Variants in FANCD2OS observed in about 807,000 individuals in gnomAD.
FANCD2OS encodes FANCD2 opposite strand.
In FANCD2OS, 11 loss-of-function variants were observed where a neutral mutation model predicts 13.2. That is an observed-to-expected ratio of 0.83 (90% CI 0.52 to 1.38). The LOEUF (loss-of-function observed/expected upper bound fraction) is 1.38. FANCD2OS is among the 40% of genes most tolerant of loss of function. The probability of loss-of-function intolerance (pLI) is 0.00; values close to 1 mark genes in which losing one functional copy is unlikely to be tolerated. For synonymous variants in FANCD2OS, 69 were observed against 84.5 expected, an observed-to-expected ratio of 0.82 and a Z score of 1.01; for missense variants, 217 against 213.9, an observed-to-expected ratio of 1.01 and a Z score of -0.09.
chr3:10,092,375 T>G, intron 2 of FANCD2OS: 1 of 804,594 alleles, frequency 1.2e-6, no homozygotes. Flanking sequence ...TCTCCCTGAG[T>G]CGTCTTCTTC....
At chr3:10,101,703 G>T, downstream of FANCD2OS, 4 of 264,906 alleles carry the variant, frequency 1.5e-5, no homozygotes, top group Middle Eastern at 1.3e-3. Context: ...CTTAAAGTGG[G>T]GTCTTTATTA....
Position 10,090,443 on chromosome 3 carries a change from ATTTTTTTTTTTTT to A in FANCD2OS, c.*44-8925_*44-8913del, listed in dbSNP as rs773716319. 58 of 342,312 alleles carry A rather than the reference ATTTTTTTTTTTTT, an allele frequency of 1.7e-4. No homozygotes were observed. The Middle Eastern group carries it at 3.5e-3, about 20-fold the overall frequency. The allele number at this position is 342,312 out of a possible 1,614,324, so 21.2% of individuals were successfully genotyped here. ...ACTTTGGATTACTTGGAAGTTGCTG[ATTTTTTTTTTTTT>A]TTTTTTTTTTTTTTTCTGAGACAGA... is the stretch of plus-strand genomic sequence containing the variant. On this transcript the variant is annotated intron_variant, in intron 2 of 2. Transcript: ENST00000524279.
chr3:10,106,572 T>C (rs1695499476), intron 1 of FANCD2OS, among the ~76,000 whole-genome samples: 1 of 152,024 alleles, frequency 6.6e-6, no homozygotes. Context: ...ACTGTGAAAA[T>C]TTTGACACCT....
At chr3:10,083,392 G>T (rs1017211365) in intron 2 of FANCD2OS, among the ~76,000 whole-genome samples, 2 of 152,202 alleles carry the variant, frequency 1.3e-5, no homozygotes, top group African/African-American at 4.8e-5. Flanking sequence ...ACACTCACTA[G>T]CATAGCTACA....
chr3:10,094,234 G>C, intron 2 of FANCD2OS: 1 of 1,337,406 alleles, frequency 7.5e-7, no homozygotes, highest in South Asian at 1.2e-5. Context: ...TCTGCCTCAG[G>C]GGCCTTTCAG....
chr3:10,088,593 C>A, intron 2 of FANCD2OS: 7 of 1,322,206 alleles, frequency 5.3e-6, no homozygotes, highest in Non-Finnish European at 7.7e-6. Context: ...TTCTATTTTG[C>A]TACTGTTGTT....
chr3:10,090,233 C>T (rs1305003196), intron 2 of FANCD2OS: 69 of 1,292,760 alleles, frequency 5.3e-5, no homozygotes, highest in Non-Finnish European at 7.0e-5. Flanking sequence ...CTGGTTCTTC[C>T]CAGGTAGTTC....
chr3:10,097,541 C>T (rs567907901), intron 2 of FANCD2OS, among the ~76,000 whole-genome samples: 6 of 152,302 alleles, frequency 3.9e-5, no homozygotes, highest in South Asian at 2.1e-4. Flanking sequence ...CCCGGCTCAC[C>T]GGCGGTCAGA....
intron 2 of FANCD2OS, chr3:10,087,370 C>T (rs2125073917): frequency 1.8e-6 from 2 of 1,106,850 alleles, no homozygotes; most frequent in South Asian, 2.9e-5. Flanking sequence ...TGTAAATCCC[C>T]ACATAACCTT....
rs998124860 is a variant in FANCD2OS, at chr3:10,087,364, A to G, written c.*44-5833T>C. ...GCTTCCCAGGACATTTTTACATGTAAATCCCCACATAACCTTGGATAGGCC... is the reference window on the plus strand; with the variant it reads ...GCTTCCCAGGACATTTTTACATGTAGATCCCCACATAACCTTGGATAGGCC... On this transcript the variant is annotated intron_variant, in intron 2 of 2. Transcript: ENST00000524279. The G allele has an allele frequency of 6.9e-6, 8 of 1,151,464 alleles. No homozygotes were observed. In the African/African-American group the frequency reaches 1.3e-4, roughly 18 times the overall value. The allele number at this position is 1,151,464 out of a possible 1,614,324, so 71.3% of individuals were successfully genotyped here. A position where few individuals can be genotyped will look rare whatever the true frequency, so the allele number is the denominator to read the frequency against.
downstream of FANCD2OS, among the ~76,000 whole-genome samples, chr3:10,098,021 GT>G (rs888186655): frequency 6.6e-6 from 1 of 152,034 alleles, no homozygotes; most frequent in Non-Finnish European, 1.5e-5. Context: ...CTGAAATCTT[GT>G]GTTGTTTATA....
chr3:10,084,236 C>T (rs1202016272), intron 2 of FANCD2OS, among the ~76,000 whole-genome samples: 1 of 151,358 alleles, frequency 6.6e-6, no homozygotes, highest in East Asian at 1.9e-4. Flanking sequence ...CCGTGATCTA[C>T]CCACCTCAGC....
intron 2 of FANCD2OS, among the ~76,000 whole-genome samples, chr3:10,086,882 C>T (rs917760345): frequency 1.3e-5 from 2 of 152,160 alleles, no homozygotes; most frequent in Non-Finnish European, 2.9e-5. Context: ...TTGGGTTTCT[C>T]AGCATACATG....
chr3:10,090,249 A>G (rs2125081164), intron 2 of FANCD2OS: 5 of 1,408,626 alleles, frequency 3.5e-6, no homozygotes, highest in Non-Finnish European at 5.0e-6. Context: ...AGTTCTAAGC[A>G]GTGCATCATG....
At chr3:10,099,862 C>G (rs1287506238), downstream of FANCD2OS, among the ~76,000 whole-genome samples, 1 of 152,124 alleles carries the variant, frequency 6.6e-6, no homozygotes, top group Non-Finnish European at 1.5e-5. Context: ...GGGCCTCTGT[C>G]TGTAATGCAA....
At chr3:10,085,972 AAC>A (rs1366751920) in intron 2 of FANCD2OS, 2 of 1,296,370 alleles carry the variant, frequency 1.5e-6, no homozygotes, top group Admixed American at 3.4e-5. Context: ...AACTCCTAGG[AAC>A]AGGATTGGCA....
intron 2 of FANCD2OS, chr3:10,087,300 T>G (rs80319361): frequency 1.4e-6 from 2 of 1,437,774 alleles, no homozygotes; most frequent in Admixed American, 1.9e-5. Flanking sequence ...TTTTTTTTTT[T>G]AATGAATAGG....
chr3:10,107,444 C>G (rs1001355687), intron 1 of FANCD2OS, among the ~76,000 whole-genome samples: 1 of 151,926 alleles, frequency 6.6e-6, no homozygotes, highest in Admixed American at 6.6e-5. Context: ...TGCCACCACG[C>G]CCGGCTAATT....
rs2125109336 is a variant in FANCD2OS at position 10,104,138 on chromosome 3, C to T, written c.*103G>A. ...ACTGCTTGAAACAAAAGCAAGATGG[C>T]TGGGACAATGTCACAGTTTCATTTA... On this transcript the variant is annotated 3_prime_UTR_variant, in exon 2 of 2. Coordinates refer to ENST00000450660, the MANE Select transcript of FANCD2OS (RefSeq NM_001164839.2). The T allele has an allele frequency of 9.0e-7, 1 of 1,106,966 alleles. No homozygotes were observed. The highest frequency in any genetic ancestry group is 2.6e-5 in the East Asian group (1 of 39,182). 68.6% of individuals were successfully genotyped at this position (1,106,966 alleles called of 1,614,324 possible).
Sources: allele counts gnomAD v4.1 joint callset (sites outside exome capture counted in the v4.1 genomes callset), GRCh38; gene constraint gnomAD v4.1.1; transcripts MANE v1.5; gene names NCBI Gene and HGNC (gene_info 2026-07-23, HGNC 2026-07-21).